The following CDC42EP4 variants were observed in gnomAD, a reference collection of about 807,000 sequenced individuals.
CDC42EP4 encodes CDC42 effector protein 4.
Under a neutral mutation model 5.6 loss-of-function variants are expected in CDC42EP4, and 6 were observed. The ratio of observed to expected loss-of-function variants is 1.07; its 90% CI spans 0.59 to 2.12. The LOEUF (loss-of-function observed/expected upper bound fraction) is 2.12, where lower values mean the gene tolerates loss of function less well. CDC42EP4 is among the 30% of genes most tolerant of loss of function. The pLI, the probability that CDC42EP4 is intolerant of heterozygous loss-of-function variation, is 0.00. For missense variants in CDC42EP4, 490 were observed against 508.6 expected (o/e 0.96, Z 0.35); for synonymous variants, 230 against 224.2 (o/e 1.03, Z -0.23).
chr17:73,301,238 A>G (rs1231175549), intron 1 of CDC42EP4, among the ~76,000 whole-genome samples: 1 of 151,926 alleles, frequency 6.6e-6, no homozygotes, highest in East Asian at 1.9e-4. Flanking sequence ...ATTTCCTCTT[A>G]CTTGTTAAAA....
chr17:73,287,985 C>T (rs113524216), intron 1 of CDC42EP4, among the ~76,000 whole-genome samples: 10 of 152,256 alleles, frequency 6.6e-5, no homozygotes, highest in African/African-American at 2.2e-4. Flanking sequence ...TGACTAGTCC[C>T]CACCTCGCTC....
rs2062144873 is a variant in CDC42EP4 at position 73,288,486 on chromosome 17, T to G, written c.-112-1874A>C. Among the ~76,000 whole-genome samples the G allele has an allele frequency of 2.6e-5, 4 of 151,888 alleles. 1 individual carries two copies. The highest frequency in any genetic ancestry group is 6.8e-3 in the Middle Eastern group (2 of 294). On this transcript the variant is annotated intron_variant, in intron 1 of 1. Coordinates refer to ENST00000335793, the MANE Select transcript of CDC42EP4 (RefSeq NM_012121.5). ...GTTGGTCAGGCTGGTCTCGAACTCC[T>G]GACCTCAGGTGATCCACCCACCTCG...
chr17:73,285,427 G>GC lies in CDC42EP4; in HGVS notation c.*2dup, dbSNP rs2062126501. 1.3e-6 allele frequency: 2 copies of GC among 1,542,364 alleles called. No individual in the cohort carries two copies. On this transcript the variant is annotated 3_prime_UTR_variant, in exon 2 of 2. Coordinates refer to ENST00000335793, the MANE Select transcript of CDC42EP4 (RefSeq NM_012121.5). The surrounding 1 kb of genome is among the most constrained non-coding windows in gnomAD (Gnocchi z 6.8). ...AGCTCCCGGTGGCCACCCACTGTCCGCCTCACACACGGATTTCATCCTCCT... is the reference window on the plus strand; with the variant it reads ...AGCTCCCGGTGGCCACCCACTGTCCGCCCTCACACACGGATTTCATCCTCCT...
At chr17:73,306,483 C>G (rs2062244679) in intron 1 of CDC42EP4, among the ~76,000 whole-genome samples, 2 of 152,158 alleles carry the variant, frequency 1.3e-5, no homozygotes. Context: ...CTGGCCAACA[C>G]AGCAAAAAGC....
intron 1 of CDC42EP4, among the ~76,000 whole-genome samples, chr17:73,296,288 T>G (rs2062184507): frequency 6.7e-6 from 1 of 148,362 alleles, no homozygotes; most frequent in Non-Finnish European, 1.5e-5. Flanking sequence ...CCTGGTGGTG[T>G]GCGCCTGTAA....
intron 1 of CDC42EP4, among the ~76,000 whole-genome samples, chr17:73,305,234 C>T (rs1032457906): frequency 6.6e-6 from 1 of 152,188 alleles, no homozygotes; most frequent in Non-Finnish European, 1.5e-5. Context: ...AGCCACCACC[C>T]GAAGCCAGCC....
intron 1 of CDC42EP4, among the ~76,000 whole-genome samples, chr17:73,303,662 C>CAAAAAAA (rs542149787): frequency 8.3e-5 from 7 of 83,924 alleles, no homozygotes; most frequent in African/African-American, 2.6e-4. Context: ...ACTCTGTCTC[C>CAAAAAAA]AAAAAAAAAA....
At chr17:73,293,668 G>A (rs1316926423) in intron 1 of CDC42EP4, among the ~76,000 whole-genome samples, 2 of 152,174 alleles carry the variant, frequency 1.3e-5, no homozygotes, top group Admixed American at 1.3e-4. Flanking sequence ...ACTGGGACAT[G>A]GGCCACAACT....
rs2062123675 is a variant in CDC42EP4 at position 73,285,094 on chromosome 17, G to A, written c.*336C>T. 5.3e-6 allele frequency: 1 copy of A among 187,754 alleles called. No homozygotes were observed. The highest frequency in any genetic ancestry group is 1.1e-5 in the Non-Finnish European group (1 of 91,440). The allele number at this position is 187,754 out of a possible 1,614,324, so 11.6% of individuals were successfully genotyped here. A position where few individuals can be genotyped will look rare whatever the true frequency, so the allele number is the denominator to read the frequency against. ...CCGCTGGCTGTACGTGGCCAGAACT[G>A]GGGTTGGCATCTGGCATCCATTTGA... On this transcript the variant is annotated 3_prime_UTR_variant, in exon 2 of 2. Transcript: ENST00000335793. This position sits in a 1 kb window ranked among gnomAD's most constrained non-coding sequence, Gnocchi z 6.8.
At chr17:73,297,342 C>T (rs1419794270) in intron 1 of CDC42EP4, among the ~76,000 whole-genome samples, 12 of 143,364 alleles carry the variant, frequency 8.4e-5, no homozygotes, top group Non-Finnish European at 1.5e-4. Context: ...GGTGTTGTGG[C>T]GCGTGCCTGT....
rs1044469773 is a variant in CDC42EP4 at position 73,285,291 on chromosome 17, C to T, written c.*139G>A. ...AAGACCCGAGGGCCAGGCCAGTGTC[C>T]CTCATCTACAAGGTCCAGGGTCCAT... On this transcript the variant is annotated 3_prime_UTR_variant, in exon 2 of 2. Coordinates refer to ENST00000335793, the MANE Select transcript of CDC42EP4 (RefSeq NM_012121.5). The surrounding 1 kb of genome is among the most constrained non-coding windows in gnomAD (Gnocchi z 6.8). The T allele has an allele frequency of 1.8e-5, 12 of 671,996 alleles. No homozygotes were observed. Among genetic ancestry groups the T allele is most frequent in the African/African-American group, 1.6e-4 (9 of 55,710 alleles). 41.6% of individuals were successfully genotyped at this position (671,996 alleles called of 1,614,324 possible).
chr17:73,303,316 C>T (rs1454971876), intron 1 of CDC42EP4, among the ~76,000 whole-genome samples: 1 of 151,736 alleles, frequency 6.6e-6, no homozygotes, highest in African/African-American at 2.4e-5. Flanking sequence ...ACACTCCAGC[C>T]TTGGCAACAA....
intron 1 of CDC42EP4, among the ~76,000 whole-genome samples, chr17:73,297,451 G>A (rs1304329519): frequency 6.6e-6 from 1 of 151,906 alleles, no homozygotes; most frequent in African/African-American, 2.4e-5. Context: ...TCCAGCTTGG[G>A]CAATAGAGTG....
In CDC42EP4 at chr17:73,286,464, G is replaced by A; in HGVS notation, c.37C>T (p.His13Tyr). 1 of 1,605,272 alleles carries A rather than the reference G, an allele frequency of 6.2e-7. No homozygotes were observed. The highest frequency in any genetic ancestry group is 1.1e-5 in the South Asian group (1 of 90,424). The change falls in exon 2 of 2, where the codon CAC (histidine) becomes TAC (tyrosine). Residue 13 changes from histidine to tyrosine, a missense_variant. Physicochemically the swap from His to Tyr is moderately conservative, Grantham distance 83. Transcript: ENST00000335793. This position sits in a 1 kb window ranked among gnomAD's most constrained non-coding sequence, Gnocchi z 7.7. ...TCCGCTCGGGAACGGCGCTTGGAGT[G>A]CACCGAGCTGGACACCAGTTGCTTG... ...ILKQLVSSSVHSKRRSRADLT... is the reference protein window; with the variant it reads ...ILKQLVSSSVYSKRRSRADLT...
Position 73,283,657 on chromosome 17 carries a change from T to C in CDC42EP4, c.*1773A>G, listed in dbSNP as rs1248646506. The C allele has an allele frequency of 6.6e-6, 1 of 151,854 alleles. No homozygotes were observed. The highest frequency in any genetic ancestry group is 1.5e-5 in the Non-Finnish European group (1 of 67,966). The allele number at this position is 151,854 out of a possible 1,614,324, so 9.4% of individuals were successfully genotyped here. ...GGCTTTTTTTTTAATGTTTCCTCAC[T>C]GTTTTGACAATATCATGAAAAAAAT... On this transcript the variant is annotated 3_prime_UTR_variant, in exon 2 of 2. Coordinates refer to ENST00000335793, the MANE Select transcript of CDC42EP4 (RefSeq NM_012121.5).
intron 1 of CDC42EP4, among the ~76,000 whole-genome samples, chr17:73,303,556 G>T (rs2062230186): frequency 6.6e-6 from 1 of 151,680 alleles, no homozygotes; most frequent in Non-Finnish European, 1.5e-5. Flanking sequence ...CAGCTACTTG[G>T]GAGGCTGAGA....
rs1555741520 is a variant in CDC42EP4 at position 73,297,001 on chromosome 17, A to AAACAAAAAC, written c.-112-10390_-112-10389insGTTTTTGTT. Among the ~76,000 whole-genome samples, 5 of 61,734 alleles carry AAACAAAAAC rather than the reference A, an allele frequency of 8.1e-5. 2 individuals carry two copies. The highest frequency in any genetic ancestry group is 1.7e-4 in the Non-Finnish European group (5 of 30,036). 40.5% of individuals were successfully genotyped at this position (61,734 alleles called of 152,430 possible). On this transcript the variant is annotated intron_variant, in intron 1 of 1. Transcript: ENST00000335793. ...GTCTCAAAAAAAAAAAAAAAAAAAA[A>AAACAAAAAC]AAATACACAAGGCCAAGCGCCGTGG...
intron 1 of CDC42EP4, among the ~76,000 whole-genome samples, chr17:73,291,695 C>G (rs2062162070): frequency 6.6e-6 from 1 of 152,022 alleles, no homozygotes. Flanking sequence ...GCGGGACACC[C>G]CCACCCCACC....
chr17:73,285,725 G>A lies in CDC42EP4; in HGVS notation c.776C>T (p.Ala259Val). The A allele has an allele frequency of 6.4e-7, 1 of 1,574,762 alleles. No homozygotes were observed. The highest frequency in any genetic ancestry group is 2.3e-5 in the East Asian group (1 of 44,080). ...ITQAPPYAVA[A>V]PPLARQEGKA... ...GCCTTCCTGCCTTGCCAGGGGAGGG[G>A]CCGCCACGGCGTACGGGGGAGCCTG... is the stretch of plus-strand genomic sequence containing the variant. Residue 259 changes from alanine (A) to valine (V), a missense_variant, in exon 2 of 2, where the codon GCC becomes GTC. Physicochemically the swap from Ala to Val is moderately conservative, Grantham distance 64 (BLOSUM62 0). Coordinates refer to ENST00000335793, the MANE Select transcript of CDC42EP4 (RefSeq NM_012121.5). The surrounding 1 kb of genome is among the most constrained non-coding windows in gnomAD (Gnocchi z 6.8).
Sources: gnomAD v4.1 joint callset for allele counts (sites outside exome capture counted in the v4.1 genomes callset) on GRCh38, gnomAD v4.1.1 for gene constraint, Gnocchi (gnomAD v3.1) non-coding constraint, MANE v1.5 for transcripts, NCBI Gene and HGNC (gene_info 2026-07-23, HGNC 2026-07-21) for gene names.